The following FHOD3 variants were observed in gnomAD, a reference collection of about 807,000 sequenced individuals.
FHOD3 encodes FH1/FH2 domain-containing protein 3.
Under a neutral mutation model 173.0 loss-of-function variants are expected in FHOD3, and 90 were observed. That is an observed-to-expected ratio of 0.52 (90% CI 0.44 to 0.62). FHOD3 has a LOEUF of 0.62. FHOD3 is among the 20% of genes least tolerant of loss of function. The pLI, the probability that FHOD3 is intolerant of heterozygous loss-of-function variation, is 0.00. For missense variants in FHOD3, 1,945 were observed against 2,034.7 expected (o/e 0.96, Z 0.85); for synonymous variants, 828 against 823.0 (o/e 1.01, Z -0.10).
At chr18:36,620,342 TA>T in intron 9 of FHOD3, among the ~76,000 whole-genome samples, 1 of 152,320 alleles carries the variant, frequency 6.6e-6, no homozygotes, top group East Asian at 1.9e-4. Flanking sequence ...ATTCTCAAGT[TA>T]TCAAACTCCT....
intron 1 of FHOD3, among the ~76,000 whole-genome samples, chr18:36,313,021 T>A (rs953791194): frequency 5.3e-5 from 8 of 152,174 alleles, no homozygotes; most frequent in Non-Finnish European, 1.0e-4. Context: ...AGCTGGGAGC[T>A]CCTTGGGTGT....
At chr18:36,596,321 A>ATTTTTTTTTTTTT (rs539907617) in intron 7 of FHOD3, among the ~76,000 whole-genome samples, 24 of 57,498 alleles carry the variant, frequency 4.2e-4, no homozygotes, top group East Asian at 5.5e-4. Flanking sequence ...TGCCCAGCTA[A>ATTTTTTTTTTTTT]TTTTTTTTTT....
intron 1 of FHOD3, among the ~76,000 whole-genome samples, chr18:36,353,162 C>G (rs1007849400): frequency 4.6e-5 from 7 of 152,206 alleles, no homozygotes; most frequent in Non-Finnish European, 8.8e-5. Flanking sequence ...GATGATCCAT[C>G]TATAGGATGC....
intron 18 of FHOD3, among the ~76,000 whole-genome samples, chr18:36,714,485 C>T (rs1235186752): frequency 6.6e-6 from 1 of 152,096 alleles, no homozygotes; most frequent in Non-Finnish European, 1.5e-5. Flanking sequence ...TGCATTGAGC[C>T]GAGATCACAT....
At chr18:36,433,160 C>T (rs1336294821) in intron 3 of FHOD3, among the ~76,000 whole-genome samples, 1 of 152,170 alleles carries the variant, frequency 6.6e-6, no homozygotes, top group Non-Finnish European at 1.5e-5. Context: ...CTGCAAAATT[C>T]CCTCATTGTT....
At chr18:36,356,240 C>A (rs955039025) in intron 2 of FHOD3, among the ~76,000 whole-genome samples, 14 of 152,220 alleles carry the variant, frequency 9.2e-5, no homozygotes, top group African/African-American at 3.4e-4. Context: ...CTTTTAAACT[C>A]ATTACTGTGG....
chr18:36,368,111 C>T (rs1347181517), intron 2 of FHOD3, among the ~76,000 whole-genome samples: 1 of 152,008 alleles, frequency 6.6e-6, no homozygotes, highest in Non-Finnish European at 1.5e-5. Flanking sequence ...TTCTCTCTCT[C>T]TCTCTCTCTC....
chr18:36,695,250 G>A (rs1025525626), intron 17 of FHOD3, among the ~76,000 whole-genome samples: 4 of 151,868 alleles, frequency 2.6e-5, no homozygotes, highest in African/African-American at 9.7e-5. Context: ...TACTTAGGAG[G>A]CTGAGGGAGG....
At chr18:36,576,110 C>T (rs1290852219) in intron 5 of FHOD3, among the ~76,000 whole-genome samples, 1 of 152,204 alleles carries the variant, frequency 6.6e-6, no homozygotes, top group African/African-American at 2.4e-5. Flanking sequence ...ACAACCCAGA[C>T]ACCATCTCAT....
chr18:36,560,795 A>G (rs888609489), intron 5 of FHOD3, among the ~76,000 whole-genome samples: 7 of 141,718 alleles, frequency 4.9e-5, no homozygotes, highest in African/African-American at 1.0e-4. Context: ...ACTTTCTTCT[A>G]TAGCTTTGTG....
At chr18:36,522,467 A>G (rs576401197) in intron 5 of FHOD3, among the ~76,000 whole-genome samples, 5 of 152,238 alleles carry the variant, frequency 3.3e-5, no homozygotes, top group Non-Finnish European at 5.9e-5. Flanking sequence ...GTGGATATAT[A>G]TCTACTAGGG....
chr18:36,682,253 T>C (rs1376715582), intron 15 of FHOD3, among the ~76,000 whole-genome samples: 1 of 152,236 alleles, frequency 6.6e-6, no homozygotes, highest in Non-Finnish European at 1.5e-5. Flanking sequence ...CTGGGCTTCA[T>C]GCTGTGCTGT....
intron 23 of FHOD3, among the ~76,000 whole-genome samples, chr18:36,744,394 A>G (rs1175576378): frequency 1.3e-5 from 2 of 152,244 alleles, no homozygotes; most frequent in African/African-American, 2.4e-5. Context: ...TCTGGTTCTC[A>G]GTCAGATTCT....
chr18:36,451,995 C>CT (rs796131590), intron 3 of FHOD3, among the ~76,000 whole-genome samples: 1 of 152,026 alleles, frequency 6.6e-6, no homozygotes, highest in African/African-American at 2.4e-5. Context: ...TTTTGTACCC[C>CT]CTTTGCCCTC....
intron 14 of FHOD3, among the ~76,000 whole-genome samples, chr18:36,661,614 C>CT: frequency 6.6e-6 from 1 of 152,236 alleles, no homozygotes; most frequent in East Asian, 1.9e-4. Context: ...CTAAAACACC[C>CT]TTCAGGCACC....
intron 3 of FHOD3, among the ~76,000 whole-genome samples, chr18:36,396,142 A>G (rs1309340309): frequency 4.3e-4 from 66 of 152,124 alleles, no homozygotes; most frequent in Non-Finnish European, 4.4e-5. Context: ...ATAAGCTTTT[A>G]TGTCCCTTGT....
At chr18:36,690,360 CCGG>C (rs2038883077) in intron 16 of FHOD3, among the ~76,000 whole-genome samples, 4 of 152,086 alleles carry the variant, frequency 2.6e-5, no homozygotes, top group Non-Finnish European at 5.9e-5. Flanking sequence ...GATAGAAAGC[CCGG>C]TGCTTCCCAC....
At chr18:36,516,771 T>A (rs935097424) in intron 5 of FHOD3, among the ~76,000 whole-genome samples, 18 of 152,226 alleles carry the variant, frequency 1.2e-4, no homozygotes, top group African/African-American at 4.3e-4. Flanking sequence ...GATAGCATTT[T>A]AAAAAATGAT....
intron 7 of FHOD3, among the ~76,000 whole-genome samples, chr18:36,599,316 T>C (rs902509903): frequency 3.3e-5 from 5 of 152,206 alleles, no homozygotes; most frequent in African/African-American, 7.2e-5. Context: ...AGTAGTTCAA[T>C]TTTTCATTTG....
Sources: gnomAD v4.1 joint callset for allele counts (sites outside exome capture counted in the v4.1 genomes callset) on GRCh38, gnomAD v4.1.1 for gene constraint, MANE v1.5 for transcripts, NCBI Gene and HGNC (gene_info 2026-07-23, HGNC 2026-07-21) for gene names.